The following PRDM11 variants were observed in gnomAD, a reference collection of about 807,000 sequenced individuals.
PRDM11 encodes PR/SET domain 11.
In PRDM11, 20 loss-of-function variants were observed where a neutral mutation model predicts 97.8. The observed-to-expected ratio is 0.20, with a 90% CI of 0.14 to 0.30. The LOEUF (loss-of-function observed/expected upper bound fraction) is 0.30, where lower values mean the gene tolerates loss of function less well. Among genes scored for constraint, PRDM11 ranks in the 10% least tolerant of loss-of-function variants. The pLI is 1.00. For missense variants in PRDM11, 1,139 were observed against 1,555.2 expected (o/e 0.73, Z 4.50); for synonymous variants, 599 against 637.7 (o/e 0.94, Z 0.91).
chr11:45,182,861 T>G lies in PRDM11; in HGVS notation c.224T>G (p.Phe75Cys). The G allele has an allele frequency of 6.3e-7, 1 of 1,579,310 alleles. No individual in the cohort carries two copies. Among genetic ancestry groups the G allele is most frequent in the African/African-American group, 1.3e-5 (1 of 74,358 alleles). ...CTCCCTTCTCTTTCCATCCCTCCAG[T>G]CTGTGAGTCCTGCCAGGAGTACTTC... ...PKSFQQVDFW[F>C]CESCQEYFVD... The change falls in exon 4 of 8, where the codon TTC becomes TGC. Residue 75 changes from phenylalanine to cysteine, a missense_variant and splice_region_variant. By Grantham distance (205) the Phe-to-Cys change is radical (BLOSUM62 -2). Coordinates refer to ENST00000683152, the MANE Select transcript of PRDM11 (RefSeq NM_001384648.1).
At chr11:45,203,937 T>C (rs1853418568) in intron 4 of PRDM11, among the ~76,000 whole-genome samples, 1 of 152,174 alleles carries the variant, frequency 6.6e-6, no homozygotes, top group South Asian at 2.1e-4. Flanking sequence ...CATCAAGTAG[T>C]AAGGAGAATT....
intron 5 of PRDM11, 95 bp downstream of exon 5, chr11:45,204,873 A>T: frequency 7.7e-7 from 1 of 1,293,074 alleles, no homozygotes; most frequent in Non-Finnish European, 1.1e-6. Context: ...CCAGTGGTGG[A>T]GACTTCTGGA....
intron 5 of PRDM11, among the ~76,000 whole-genome samples, chr11:45,208,276 C>T (rs1481606165): frequency 1.3e-5 from 2 of 151,960 alleles, no homozygotes; most frequent in African/African-American, 4.8e-5. Context: ...GGGAAGAGAG[C>T]CACTAGGCAG....
At chr11:45,218,354 T>C (rs1255940435) in intron 5 of PRDM11, among the ~76,000 whole-genome samples, 2 of 152,216 alleles carry the variant, frequency 1.3e-5, no homozygotes, top group East Asian at 3.8e-4. Flanking sequence ...AATAGAGATA[T>C]TATCATCTTT....
chr11:45,195,349 T>A (rs970291816), intron 4 of PRDM11, among the ~76,000 whole-genome samples: 1 of 152,132 alleles, frequency 6.6e-6, no homozygotes, highest in African/African-American at 2.4e-5. Flanking sequence ...GTCGTTCCCC[T>A]CTTCCAATCC....
intron 1 of PRDM11, 79 bp from the exon 2 acceptor site, chr11:45,181,682 T>G: frequency 4.1e-6 from 5 of 1,224,728 alleles, no homozygotes; most frequent in Non-Finnish European, 5.8e-6. Context: ...AGACCCCCAC[T>G]TGCCCTCTCC....
intron 5 of PRDM11, among the ~76,000 whole-genome samples, chr11:45,211,092 G>T (rs944019412): frequency 6.6e-6 from 1 of 152,172 alleles, no homozygotes; most frequent in Non-Finnish European, 1.5e-5. Flanking sequence ...GCAGCACTCG[G>T]CCAGGGGCTT....
rs1366197849 is a variant in PRDM11, at chr11:45,227,961, C to T, written c.3336C>T (p.Ser1112=). Reference sequence around the variant, plus strand: ...CCCGCCTGACCCTGGAGCAGCTTAGCGACCTGTTGACAATCGCTGTAAACG... The same window carrying T: ...CCCGCCTGACCCTGGAGCAGCTTAGTGACCTGTTGACAATCGCTGTAAACG... The part of the protein sequence containing the change: ...HRSRLTLEQL[S]DLLTIAVNGP... Residue 1112 remains serine (S), a synonymous_variant, in exon 8 of 8, where the codon AGC becomes AGT. Coordinates refer to ENST00000683152, the MANE Select transcript of PRDM11 (RefSeq NM_001384648.1). The surrounding 1 kb of genome is among the most constrained non-coding windows in gnomAD (Gnocchi z 8.0). 42 of 1,533,726 alleles carry T rather than the reference C, an allele frequency of 2.7e-5. No individual in the cohort carries two copies. The highest frequency in any genetic ancestry group is 7.8e-5 in the Admixed American group (4 of 50,970).
intron 4 of PRDM11, among the ~76,000 whole-genome samples, chr11:45,199,440 G>A (rs1360277956): frequency 2.0e-5 from 3 of 152,170 alleles, no homozygotes; most frequent in Admixed American, 6.5e-5. Context: ...CGACATGGTC[G>A]TCCTTCCCAC....
chr11:45,134,425 T>G (rs74828555), intron 1 of PRDM11, among the ~76,000 whole-genome samples: 5,959 of 151,866 alleles, frequency 0.039, 404 homozygotes, highest in African/African-American at 0.14. Context: ...AGCAGACAGG[T>G]GTGGAGGCAC....
chr11:45,126,482 TC>T (rs1367954128), intron 1 of PRDM11, among the ~76,000 whole-genome samples: 1 of 152,172 alleles, frequency 6.6e-6, no homozygotes, highest in Admixed American at 6.5e-5. Flanking sequence ...TACCGGTTGT[TC>T]CTTTCCATGT....
At chr11:45,123,487 G>A (rs1382276161) in intron 1 of PRDM11, among the ~76,000 whole-genome samples, 1 of 151,668 alleles carries the variant, frequency 6.6e-6, no homozygotes, top group Non-Finnish European at 1.5e-5. Context: ...GGTCTAACAT[G>A]TAAGTCTTTA....
At chr11:45,122,177 A>G (rs1385517781) in intron 1 of PRDM11, among the ~76,000 whole-genome samples, 2 of 143,150 alleles carry the variant, frequency 1.4e-5, no homozygotes, top group East Asian at 2.0e-4. Flanking sequence ...TACTAAGAAG[A>G]GAGACACAGA....
At chr11:45,225,040 CAT>C (rs1387429121) in intron 7 of PRDM11, 197 bp downstream of exon 7, 2 of 1,448,266 alleles carry the variant, frequency 1.4e-6, no homozygotes, top group East Asian at 4.9e-5. Context: ...CCAGGTGCTC[CAT>C]GTGTTGCCCT....
At chr11:45,169,082 A>G (rs1166214594) in intron 1 of PRDM11, among the ~76,000 whole-genome samples, 1 of 151,644 alleles carries the variant, frequency 6.6e-6, no homozygotes, top group African/African-American at 2.4e-5. Context: ...AATCACTGAC[A>G]TGCTTGGGGT....
At chr11:45,095,392 G>A (rs958825276), upstream of PRDM11, among the ~76,000 whole-genome samples, 3 of 152,096 alleles carry the variant, frequency 2.0e-5, no homozygotes, top group East Asian at 1.9e-4. Context: ...CTTGCTCCCC[G>A]CTGCTATCTG....
At chr11:45,166,497 T>C (rs915961641) in intron 1 of PRDM11, among the ~76,000 whole-genome samples, 1 of 152,156 alleles carries the variant, frequency 6.6e-6, no homozygotes, top group Non-Finnish European at 1.5e-5. Flanking sequence ...CTCTTACCCA[T>C]GGAGTGGAGC....
At chr11:45,158,766 A>C (rs1486161627) in intron 1 of PRDM11, among the ~76,000 whole-genome samples, 2 of 151,186 alleles carry the variant, frequency 1.3e-5, no homozygotes, top group Non-Finnish European at 2.9e-5. Flanking sequence ...TTCACTGTGC[A>C]GGCCTGCTGA....
chr11:45,141,729 C>G (rs144492771), upstream of PRDM11, among the ~76,000 whole-genome samples: 40 of 152,282 alleles, frequency 2.6e-4, 1 homozygote, highest in African/African-American at 8.9e-4. Context: ...ATTACTGCTC[C>G]TGAGAACGGA....
Sources: allele counts gnomAD v4.1 joint callset (sites outside exome capture counted in the v4.1 genomes callset), GRCh38; gene constraint gnomAD v4.1.1; non-coding constraint Gnocchi (gnomAD v3.1); transcripts MANE v1.5; gene names NCBI Gene and HGNC (gene_info 2026-07-23, HGNC 2026-07-21).